PTPRG: variants seen among roughly 807,000 people sequenced by gnomAD.
PTPRG encodes receptor-type tyrosine-protein phosphatase gamma.
A neutral mutation model predicts 165.3 loss-of-function variants in PTPRG; 102 were observed. The observed-to-expected ratio is 0.62, with a 90% CI of 0.53 to 0.73. PTPRG has a LOEUF of 0.73. Ranked by LOEUF, PTPRG falls within the 30% of genes least tolerant of loss-of-function variation. The probability of loss-of-function intolerance (pLI) is 0.00; values close to 1 mark genes in which losing one functional copy is unlikely to be tolerated. For synonymous variants in PTPRG, 675 were observed against 669.5 expected, an observed-to-expected ratio of 1.01 and a Z score of -0.13; for missense variants, 1,866 against 1,861.4, an observed-to-expected ratio of 1.00 and a Z score of -0.05.
At chr3:61,834,550 C>T (rs2036404230) in intron 2 of PTPRG, among the ~76,000 whole-genome samples, 1 of 152,128 alleles carries the variant, frequency 6.6e-6, no homozygotes, top group South Asian at 2.1e-4. Context: ...CACGGTGGCT[C>T]ATGCCTGTAA....
In PTPRG at chr3:62,292,655, C is replaced by A. The variant is rs187908081; in HGVS notation, c.4191+99C>A. 26 of 1,412,386 alleles carry A rather than the reference C, an allele frequency of 1.8e-5. 2 individuals are homozygous for A. In the African/African-American group the frequency reaches 2.3e-4, roughly 12 times the overall value. 87.5% of individuals were successfully genotyped at this position (1,412,386 alleles called of 1,614,324 possible). A position where few individuals can be genotyped will look rare whatever the true frequency, so the allele number is the denominator to read the frequency against. ...TCTCAATTGGGGGTGATTTTGCCCC[C>A]CAGGGGACATTTGGCCATGTCTGGA... On this transcript the variant is annotated intron_variant, in intron 29 of 29. Coordinates refer to ENST00000474889, the MANE Select transcript of PTPRG (RefSeq NM_002841.4).
chr3:61,610,680 AG>A (rs1432201551), intron 1 of PTPRG, among the ~76,000 whole-genome samples: 1 of 152,106 alleles, frequency 6.6e-6, no homozygotes, highest in African/African-American at 2.4e-5. Context: ...TTCCTTTCAC[AG>A]GTAGGTAGTT....
chr3:61,923,189 A>G (rs1040833633), intron 2 of PTPRG, among the ~76,000 whole-genome samples: 3 of 152,186 alleles, frequency 2.0e-5, no homozygotes, highest in South Asian at 2.1e-4. Context: ...ATTTGAGCCC[A>G]TTAACTATTG....
At chr3:61,736,412 G>C (rs1186818856) in intron 1 of PTPRG, among the ~76,000 whole-genome samples, 1 of 151,530 alleles carries the variant, frequency 6.6e-6, no homozygotes, top group East Asian at 1.9e-4. Context: ...TATTTTCTCT[G>C]TGAATACTTG....
chr3:62,292,225 C>T (rs777258106), intron 28 of PTPRG, among the ~76,000 whole-genome samples, 196 bp from the exon 29 acceptor site: 8 of 152,114 alleles, frequency 5.3e-5, no homozygotes, highest in Non-Finnish European at 8.8e-5. Context: ...TGGGATACTC[C>T]ACTTTCATAA....
chr3:61,762,759 C>G (rs577225527), intron 2 of PTPRG, among the ~76,000 whole-genome samples: 275 of 152,212 alleles, frequency 1.8e-3, no homozygotes, highest in Middle Eastern at 3.4e-3. Flanking sequence ...CCTTACTCTC[C>G]TGGCCTAAGC....
chr3:61,574,005 T>C (rs1365694751), intron 1 of PTPRG, among the ~76,000 whole-genome samples: 2 of 152,154 alleles, frequency 1.3e-5, no homozygotes, highest in Non-Finnish European at 2.9e-5. Flanking sequence ...GGGTTATGTT[T>C]TGATGGTTGC....
chr3:61,872,231 G>C (rs600368), intron 2 of PTPRG, among the ~76,000 whole-genome samples: 25,400 of 152,174 alleles, frequency 0.17, 2,162 homozygotes, highest in African/African-American at 0.21. Flanking sequence ...ATTCTGGCCA[G>C]GTGCAGCGTT....
At chr3:61,720,725 A>G (rs529349442) in intron 1 of PTPRG, among the ~76,000 whole-genome samples, 1 of 152,236 alleles carries the variant, frequency 6.6e-6, no homozygotes, top group African/African-American at 2.4e-5. Flanking sequence ...GATTGAGTAC[A>G]TTAAAATAAT....
intron 1 of PTPRG, among the ~76,000 whole-genome samples, chr3:61,724,865 A>G (rs1397014056): frequency 6.6e-6 from 1 of 152,118 alleles, no homozygotes; most frequent in Non-Finnish European, 1.5e-5. Context: ...TCTAGATAGT[A>G]GATATTTGCA....
At chr3:61,649,209 G>A (rs1167160089) in intron 1 of PTPRG, among the ~76,000 whole-genome samples, 5 of 140,854 alleles carry the variant, frequency 3.5e-5, no homozygotes, top group Non-Finnish European at 7.6e-5. Context: ...TTTAAGAGAT[G>A]AGGTCTTACA....
chr3:61,972,027 C>T lies in PTPRG; in HGVS notation c.191-17598C>T, dbSNP rs146040337. The stretch of plus-strand genomic sequence containing the variant: ...CAGTGAGTGAACAATAGACAATATA[C>T]GAAACAAATAAATGTGTACTGTATA... On this transcript the variant is annotated intron_variant, in intron 2 of 29. Coordinates refer to ENST00000474889, the MANE Select transcript of PTPRG (RefSeq NM_002841.4). Among the ~76,000 whole-genome samples, 200 of 152,180 alleles carry T rather than the reference C, an allele frequency of 1.3e-3. 4 individuals carry two copies. The East Asian group carries it at 0.03, about 23-fold the overall frequency.
At position 61,561,955 on chromosome 3, in the gene PTPRG, C is replaced by A. The variant is rs1291726357; in HGVS notation, c.-333C>A. On this transcript the variant is annotated 5_prime_UTR_variant, in exon 1 of 30. Coordinates refer to ENST00000474889, the MANE Select transcript of PTPRG (RefSeq NM_002841.4). ...GCTGCTCGCCGCCGCCGCCCGCGGTCCCTGCCTGCCCCAGGCCCGGGGCAT... is the reference window on the plus strand; with the variant it reads ...GCTGCTCGCCGCCGCCGCCCGCGGTACCTGCCTGCCCCAGGCCCGGGGCAT... 2 of 186,836 alleles carry A rather than the reference C, an allele frequency of 1.1e-5. No homozygotes were observed. Among genetic ancestry groups the A allele is most frequent in the South Asian group, 1.5e-4 (1 of 6,510 alleles). The allele number at this position is 186,836 out of a possible 1,614,324, so 11.6% of individuals were successfully genotyped here. A position where few individuals can be genotyped will look rare whatever the true frequency, so the allele number is the denominator to read the frequency against.
intron 1 of PTPRG, among the ~76,000 whole-genome samples, chr3:61,604,377 C>T (rs532934499): frequency 7.2e-5 from 11 of 152,210 alleles, no homozygotes; most frequent in South Asian, 4.1e-4. Context: ...TTGATGGTGA[C>T]GGGAGGTTGT....
At chr3:62,002,723 G>A (rs531796332) in intron 3 of PTPRG, among the ~76,000 whole-genome samples, 1 of 152,268 alleles carries the variant, frequency 6.6e-6, no homozygotes, top group Non-Finnish European at 1.5e-5. Flanking sequence ...TCAAGAAAAC[G>A]AGTTAGCTGC....
intron 4 of PTPRG, among the ~76,000 whole-genome samples, chr3:62,059,144 A>G (rs9843205): frequency 2.0e-5 from 3 of 152,118 alleles, no homozygotes; most frequent in Admixed American, 1.3e-4. Context: ...TCCCTTTCCC[A>G]GTCTTTAAAA....
In PTPRG at chr3:61,581,675, T is replaced by C. The variant is rs1700299183; in HGVS notation, c.85+19303T>C. Reference sequence around the variant, plus strand: ...CCCAGGCTGGAGCGCAGTGGCACAATCTCGGCTCCCTGCAACCTCTGCTTC... The same window carrying C: ...CCCAGGCTGGAGCGCAGTGGCACAACCTCGGCTCCCTGCAACCTCTGCTTC... On this transcript the variant is annotated intron_variant, in intron 1 of 29. Coordinates refer to ENST00000474889, the MANE Select transcript of PTPRG (RefSeq NM_002841.4). Among the ~76,000 whole-genome samples the C allele has an allele frequency of 2.7e-5, 4 of 149,870 alleles. No individual in the cohort carries two copies. The South Asian group carries it at 8.8e-4, about 33-fold the overall frequency.
intron 2 of PTPRG, among the ~76,000 whole-genome samples, chr3:61,830,489 AT>A (rs2036249181): frequency 1.3e-5 from 2 of 150,086 alleles, no homozygotes; most frequent in South Asian, 2.1e-4. Flanking sequence ...TTCTTGACAG[AT>A]TTGTCCACAA....
chr3:61,703,162 TC>T (rs956324085), intron 1 of PTPRG, among the ~76,000 whole-genome samples: 9 of 151,692 alleles, frequency 5.9e-5, no homozygotes, highest in South Asian at 2.1e-4. Context: ...TTTTTTTTTT[TC>T]CCCCTGTATG....
Sources: gnomAD v4.1 joint callset for allele counts (sites outside exome capture counted in the v4.1 genomes callset) on GRCh38, gnomAD v4.1.1 for gene constraint, MANE v1.5 for transcripts, NCBI Gene and HGNC (gene_info 2026-07-23, HGNC 2026-07-21) for gene names.